DDAH1: variants seen among roughly 807,000 people sequenced by gnomAD.
The protein encoded by DDAH1 is N(G),N(G)-dimethylarginine dimethylaminohydrolase 1.
DDAH1 carries 19 observed loss-of-function variants against 28.8 expected under a neutral mutation model. That is an observed-to-expected ratio of 0.66 (90% CI 0.46 to 0.97). The LOEUF is 0.97. Ranked by LOEUF, DDAH1 falls within the 50% of genes least tolerant of loss-of-function variation. The probability of loss-of-function intolerance (pLI) is 0.00; values close to 1 mark genes in which losing one functional copy is unlikely to be tolerated. For synonymous variants in DDAH1, 153 were observed against 154.4 expected, an observed-to-expected ratio of 0.99 and a Z score of 0.07; for missense variants, 326 against 375.9, an observed-to-expected ratio of 0.87 and a Z score of 1.10.
chr1:85,391,436 C>A (rs570660850), intron 1 of DDAH1, among the ~76,000 whole-genome samples: 1 of 152,208 alleles, frequency 6.6e-6, no homozygotes, highest in East Asian at 1.9e-4. Context: ...CACTGCACTC[C>A]AGCCTGGGCG....
chr1:85,544,303 C>A (rs566133551), intron 1 of DDAH1, among the ~76,000 whole-genome samples: 1 of 152,152 alleles, frequency 6.6e-6, no homozygotes, highest in African/African-American at 2.4e-5. Flanking sequence ...GGCACATGCA[C>A]GTGGCATTGC....
chr1:85,559,780 CA>C (rs1659089014), intron 1 of DDAH1, among the ~76,000 whole-genome samples: 1 of 144,614 alleles, frequency 6.9e-6, no homozygotes, highest in Non-Finnish European at 1.5e-5. Flanking sequence ...AGAATATACC[CA>C]AAATGAAGCA....
chr1:85,392,812 A>G (rs1482989785), intron 1 of DDAH1, among the ~76,000 whole-genome samples: 1 of 142,618 alleles, frequency 7.0e-6, no homozygotes. Context: ...AAAAAAAAAA[A>G]AAAAAGAAAG....
At chr1:85,537,593 T>C (rs1289157717) in intron 1 of DDAH1, among the ~76,000 whole-genome samples, 2 of 139,838 alleles carry the variant, frequency 1.4e-5, no homozygotes, top group African/African-American at 2.7e-5. Context: ...TGGTGTTCTA[T>C]TGCAGGGTAG....
intron 1 of DDAH1, among the ~76,000 whole-genome samples, chr1:85,410,409 G>A (rs1410495636): frequency 6.6e-6 from 1 of 152,228 alleles, no homozygotes; most frequent in Non-Finnish European, 1.5e-5. Flanking sequence ...GGAGGCTGAG[G>A]CGGGTGGATC....
At chr1:85,349,927 T>C (rs2284800) in intron 4 of DDAH1, among the ~76,000 whole-genome samples, 19,542 of 152,250 alleles carry the variant, frequency 0.13, 1,337 homozygotes, top group East Asian at 0.24. Context: ...TCTTAAAATG[T>C]TATTATTCCA....
intron 1 of DDAH1, among the ~76,000 whole-genome samples, chr1:85,518,234 A>G (rs1156255470): frequency 6.6e-6 from 1 of 152,100 alleles, no homozygotes; most frequent in Non-Finnish European, 1.5e-5. Context: ...ATTCATTTCC[A>G]TTGCTGCCTT....
intron 1 of DDAH1, among the ~76,000 whole-genome samples, chr1:85,441,397 T>C (rs566645620): frequency 1.3e-5 from 2 of 152,074 alleles, no homozygotes; most frequent in East Asian, 3.9e-4. Flanking sequence ...AAAACTTAGC[T>C]GGGCGTGGTG....
At chr1:85,537,023 T>TAC (rs1658311257) in intron 1 of DDAH1, among the ~76,000 whole-genome samples, 1 of 149,140 alleles carries the variant, frequency 6.7e-6, no homozygotes. Context: ...TATATATATA[T>TAC]ACACAGTGGA....
chr1:85,389,447 T>C (rs1443858156), intron 1 of DDAH1, among the ~76,000 whole-genome samples: 1 of 152,196 alleles, frequency 6.6e-6, no homozygotes, highest in Non-Finnish European at 1.5e-5. Flanking sequence ...ATACCAACTC[T>C]GTGCTACTTC....
chr1:85,337,578 C>G (rs1356513744), intron 4 of DDAH1, among the ~76,000 whole-genome samples: 1 of 151,856 alleles, frequency 6.6e-6, no homozygotes, highest in African/African-American at 2.4e-5. Flanking sequence ...CTCAGCCTCC[C>G]GAGTAGCTGG....
At position 85,464,940 on chromosome 1, in the gene DDAH1, C is replaced by T. The variant is rs768295305; in HGVS notation, c.106G>A (p.Glu36Lys). Residue 36 changes from glutamate (E) to lysine (K), a missense_variant, in exon 1 of 6, where the codon GAG (glutamate) becomes AAG (lysine). Glu to Lys is a moderately conservative substitution (Grantham distance 56). Coordinates refer to ENST00000284031, the MANE Select transcript of DDAH1 (RefSeq NM_012137.4). The surrounding 1 kb of genome is among the most constrained non-coding windows in gnomAD (Gnocchi z 4.4). ...GQHALRSAKGEEVDVARAERQ... is the reference protein window; with the variant it reads ...GQHALRSAKGKEVDVARAERQ... ...TCCGCGCGGGCGACGTCCACCTCCT[C>T]GCCCTTGGCGCTTCTCAGCGCGTGC... 7 of 1,520,096 alleles carry T rather than the reference C, an allele frequency of 4.6e-6. No homozygotes were observed. In the South Asian group the frequency reaches 7.3e-5, roughly 16 times the overall value. The allele number at this position is 1,520,096 out of a possible 1,614,324, so 94.2% of individuals were successfully genotyped here.
At chr1:85,498,513 A>G (rs1260751444) in intron 1 of DDAH1, among the ~76,000 whole-genome samples, 2 of 152,264 alleles carry the variant, frequency 1.3e-5, no homozygotes. Flanking sequence ...AGTGATGTGA[A>G]ATCATAGTAG....
chr1:85,552,648 C>T (rs1658831031), intron 1 of DDAH1, among the ~76,000 whole-genome samples: 1 of 152,110 alleles, frequency 6.6e-6, no homozygotes, highest in Non-Finnish European at 1.5e-5. Context: ...CTGTGGGAAG[C>T]TTCTTAGAAG....
chr1:85,515,323 A>G (rs538703465), intron 1 of DDAH1, among the ~76,000 whole-genome samples: 52 of 141,186 alleles, frequency 3.7e-4, no homozygotes, highest in Non-Finnish European at 5.2e-4. Flanking sequence ...GGACAAAGAA[A>G]GAATGAAGAA....
chr1:85,516,120 C>T (rs1345848506), intron 1 of DDAH1, among the ~76,000 whole-genome samples: 2 of 151,598 alleles, frequency 1.3e-5, no homozygotes, highest in Non-Finnish European at 2.9e-5. Context: ...CCTTAACGAC[C>T]TCCTTAAATG....
chr1:85,346,063 T>C (rs1648822496), intron 4 of DDAH1, among the ~76,000 whole-genome samples: 1 of 152,154 alleles, frequency 6.6e-6, no homozygotes, highest in Non-Finnish European at 1.5e-5. Context: ...TTGCAACCCA[T>C]TACAAAGTAT....
At chr1:85,498,671 C>A (rs1007484592) in intron 1 of DDAH1, among the ~76,000 whole-genome samples, 16 of 152,170 alleles carry the variant, frequency 1.1e-4, no homozygotes, top group Non-Finnish European at 2.1e-4. Flanking sequence ...ATAATCCCAG[C>A]ACTTTGAGAG....
chr1:85,523,592 G>A (rs1322287491), intron 1 of DDAH1, among the ~76,000 whole-genome samples: 3 of 151,990 alleles, frequency 2.0e-5, no homozygotes, highest in East Asian at 1.9e-4. Context: ...CTGGCCTGGA[G>A]CAAGGGATTT....
Sources: gnomAD v4.1 joint callset for allele counts (sites outside exome capture counted in the v4.1 genomes callset) on GRCh38, gnomAD v4.1.1 for gene constraint, Gnocchi (gnomAD v3.1) non-coding constraint, MANE v1.5 for transcripts, NCBI Gene and HGNC (gene_info 2026-07-23, HGNC 2026-07-21) for gene names.